Variants in CHODL observed in about 807,000 individuals in gnomAD.
The protein encoded by CHODL is chondrolectin.
Under a neutral mutation model 34.5 loss-of-function variants are expected in CHODL, and 29 were observed. The observed-to-expected ratio is 0.84, with a 90% confidence interval of 0.63 to 1.15. The LOEUF (loss-of-function observed/expected upper bound fraction) is 1.15. CHODL is among the 50% of genes most tolerant of loss of function. The pLI is 0.00. For missense variants in CHODL, 332 were observed against 332.5 expected, an observed-to-expected ratio of 1.00 and a Z score of 0.01; for synonymous variants, 125 against 116.1, an observed-to-expected ratio of 1.08 and a Z score of -0.49.
chr21:18,195,359 CATT>C (rs1470237622), intron 2 of CHODL, among the ~76,000 whole-genome samples: 2 of 152,032 alleles, frequency 1.3e-5, no homozygotes, highest in Admixed American at 6.6e-5. Context: ...CAGCCCAATG[CATT>C]ATTATTAACT....
chr21:17,992,911 C>T (rs761581889), intron 1 of CHODL, among the ~76,000 whole-genome samples: 10 of 151,926 alleles, frequency 6.6e-5, no homozygotes, highest in East Asian at 1.9e-4. Context: ...CCTCAGCCTC[C>T]GAAAGTCCTG....
chr21:18,125,480 C>T (rs1202737254), intron 2 of CHODL, among the ~76,000 whole-genome samples: 2 of 151,966 alleles, frequency 1.3e-5, no homozygotes, highest in African/African-American at 4.8e-5. Context: ...GTAAGTAGCT[C>T]TAAAACCTAA....
chr21:18,198,884 T>A (rs2073619515), intron 2 of CHODL, among the ~76,000 whole-genome samples: 1 of 152,138 alleles, frequency 6.6e-6, no homozygotes, highest in Non-Finnish European at 1.5e-5. Context: ...AATTTCGATA[T>A]TGTCATTTAA....
intron 2 of CHODL, among the ~76,000 whole-genome samples, chr21:18,029,771 C>G (rs998314121): frequency 6.6e-6 from 1 of 152,064 alleles, no homozygotes. Context: ...AATGGATGTT[C>G]AAGCCCAGGA....
chr21:18,240,453 G>C (rs142498359), upstream of CHODL, among the ~76,000 whole-genome samples: 10 of 152,178 alleles, frequency 6.6e-5, 1 homozygote, highest in East Asian at 1.9e-3. Flanking sequence ...GAAAAATTTA[G>C]ATTAATGTTT....
chr21:18,203,054 C>G (rs1407177550), intron 2 of CHODL, among the ~76,000 whole-genome samples: 3 of 152,148 alleles, frequency 2.0e-5, no homozygotes, highest in Non-Finnish European at 4.4e-5. Context: ...AAATGAAACT[C>G]TGTTTAAAAT....
At position 18,267,290 on chromosome 21, in the gene CHODL, CA is replaced by C. The variant is rs2074477259; in HGVS notation, c.*1254del. ...TTCAATGCTTACGCCTTGTTCTTCT[CA>C]AGAGAAAGTTGTAACTCTCTGGTCT... On this transcript the variant is annotated 3_prime_UTR_variant, in exon 6 of 6. Coordinates refer to ENST00000299295, the MANE Select transcript of CHODL (RefSeq NM_024944.3). The C allele has an allele frequency of 6.6e-6, 1 of 152,164 alleles. No homozygotes were observed. 9.4% of individuals were successfully genotyped at this position (152,164 alleles called of 1,614,324 possible).
At chr21:18,035,755 C>T (rs1286932410) in intron 2 of CHODL, among the ~76,000 whole-genome samples, 1 of 151,776 alleles carries the variant, frequency 6.6e-6, no homozygotes, top group Non-Finnish European at 1.5e-5. Flanking sequence ...TTTTTAATCT[C>T]AGATGTTAAA....
rs544604205 is a variant in CHODL, at chr21:17,963,460, G to T, written c.-145+46060G>T. On this transcript the variant is annotated intron_variant, in intron 1 of 6. Transcript: ENST00000400127. ...GGTGGCCTTACAATCGTGGCTGAAG[G>T]TGAAGAGGGGCAAAGGCACATCTTA... Among the ~76,000 whole-genome samples the T allele has an allele frequency of 3.3e-5, 5 of 152,294 alleles. No individual in the cohort carries two copies. In the East Asian group the frequency reaches 7.7e-4, roughly 24 times the overall value.
At chr21:18,017,252 T>G (rs1251616988) in intron 1 of CHODL, among the ~76,000 whole-genome samples, 1 of 152,188 alleles carries the variant, frequency 6.6e-6, no homozygotes, top group East Asian at 1.9e-4. Context: ...AATCTCATGT[T>G]GAATTATGAT....
chr21:18,071,115 T>C (rs947201538), intron 2 of CHODL, among the ~76,000 whole-genome samples: 2 of 151,280 alleles, frequency 1.3e-5, no homozygotes, highest in African/African-American at 4.9e-5. Flanking sequence ...CTCAAAATCC[T>C]ACTCTTCCTA....
intron 2 of CHODL, among the ~76,000 whole-genome samples, chr21:18,147,268 C>T (rs1282486397): frequency 1.3e-5 from 2 of 152,178 alleles, no homozygotes; most frequent in Non-Finnish European, 2.9e-5. Flanking sequence ...TCCGCAGACT[C>T]AGCAAACTAT....
At chr21:18,153,923 T>C (rs2824661) in intron 2 of CHODL, among the ~76,000 whole-genome samples, 141,627 of 152,150 alleles carry the variant, frequency 0.93, 66,177 homozygotes, top group African/African-American at 0.98. Flanking sequence ...TGCAGTGACA[T>C]TCTGCTTCAC....
At chr21:18,144,653 G>C (rs2072845646) in intron 2 of CHODL, among the ~76,000 whole-genome samples, 1 of 151,954 alleles carries the variant, frequency 6.6e-6, no homozygotes, top group Admixed American at 6.6e-5. Context: ...TTATATAATT[G>C]CATCAGGTTA....
At chr21:18,252,091 T>A (rs2074263901) in intron 1 of CHODL, among the ~76,000 whole-genome samples, 1 of 152,122 alleles carries the variant, frequency 6.6e-6, no homozygotes, top group Non-Finnish European at 1.5e-5. Context: ...TTTTATTTTC[T>A]CAATATGTTT....
intron 1 of CHODL, among the ~76,000 whole-genome samples, chr21:18,254,153 T>C (rs1048656020): frequency 6.6e-6 from 1 of 151,614 alleles, no homozygotes; most frequent in African/African-American, 2.4e-5. Context: ...TTTGCCAGTA[T>C]TTAAATACAA....
intron 1 of CHODL, among the ~76,000 whole-genome samples, chr21:17,929,661 G>C (rs1227157543): frequency 6.6e-6 from 1 of 152,214 alleles, no homozygotes; most frequent in African/African-American, 2.4e-5. Context: ...CAATCCTAGC[G>C]ATGGGAGAGC....
chr21:18,182,703 C>A (rs1417456773), intron 2 of CHODL, among the ~76,000 whole-genome samples: 1 of 152,054 alleles, frequency 6.6e-6, no homozygotes, highest in Non-Finnish European at 1.5e-5. Context: ...AAAATTTATG[C>A]CCAATCAGTT....
At chr21:18,087,812 A>G (rs191133402) in intron 2 of CHODL, among the ~76,000 whole-genome samples, 1 of 152,148 alleles carries the variant, frequency 6.6e-6, no homozygotes, top group Non-Finnish European at 1.5e-5. Flanking sequence ...CCATTCTCCT[A>G]CTACTACAAA....
Sources: allele counts gnomAD v4.1 joint callset (sites outside exome capture counted in the v4.1 genomes callset), GRCh38; gene constraint gnomAD v4.1.1; transcripts MANE v1.5; gene names NCBI Gene and HGNC (gene_info 2026-07-23, HGNC 2026-07-21).